MEI4: variants seen among roughly 807,000 people sequenced by gnomAD.
MEI4 encodes meiosis-specific protein MEI4.
MEI4 carries 27 observed loss-of-function variants against 31.4 expected under a neutral mutation model. That is an observed-to-expected ratio of 0.86 (90% CI 0.63 to 1.19). The LOEUF (loss-of-function observed/expected upper bound fraction) is 1.19. Among genes scored for constraint, MEI4 ranks in the 50% most tolerant of loss-of-function variants. The pLI, the probability that MEI4 is intolerant of heterozygous loss-of-function variation, is 0.00. For missense variants in MEI4, 329 were observed against 398.9 expected, an observed-to-expected ratio of 0.82 and a Z score of 1.49; for synonymous variants, 122 against 145.4, an observed-to-expected ratio of 0.84 and a Z score of 1.16.
At chr6:77,738,070 A>C (rs1374447020) in intron 2 of MEI4, among the ~76,000 whole-genome samples, 1 of 152,232 alleles carries the variant, frequency 6.6e-6, no homozygotes, top group East Asian at 1.9e-4. Flanking sequence ...GACATCCACG[A>C]AACTGGAATG....
intron 2 of MEI4, among the ~76,000 whole-genome samples, chr6:77,727,335 T>C (rs757075456): frequency 6.6e-6 from 1 of 152,214 alleles, no homozygotes; most frequent in Non-Finnish European, 1.5e-5. Context: ...TCATTTGTCC[T>C]CAGAAGTGAA....
chr6:77,922,331 T>G (rs191607071), intron 4 of MEI4, among the ~76,000 whole-genome samples: 1 of 151,848 alleles, frequency 6.6e-6, no homozygotes, highest in African/African-American at 2.4e-5. Context: ...TTCTAATTAG[T>G]CTACTTTTCA....
intron 4 of MEI4, among the ~76,000 whole-genome samples, chr6:77,917,162 G>A (rs1008040212): frequency 8.6e-5 from 13 of 151,972 alleles, no homozygotes; most frequent in Non-Finnish European, 1.8e-4. Flanking sequence ...TCTTAATCCA[G>A]TCTATCATTG....
intron 4 of MEI4, among the ~76,000 whole-genome samples, chr6:77,881,416 C>T (rs34004972): frequency 0.14 from 21,578 of 152,172 alleles, 1,811 homozygotes; most frequent in East Asian, 0.39. Flanking sequence ...TTTTATTATA[C>T]AGATGTATCG....
At chr6:77,774,693 A>G (rs1223522394) in intron 3 of MEI4, among the ~76,000 whole-genome samples, 12 of 152,026 alleles carry the variant, frequency 7.9e-5, no homozygotes. Flanking sequence ...TTATTTGAAT[A>G]TTTGAAAGGA....
chr6:77,663,250 A>G (rs1328630957), intron 1 of MEI4, among the ~76,000 whole-genome samples: 4 of 152,000 alleles, frequency 2.6e-5, no homozygotes, highest in Admixed American at 6.6e-5. Context: ...TGTAGCAGGC[A>G]AGTGATAACA....
At chr6:77,867,920 A>C (rs540451921) in intron 4 of MEI4, among the ~76,000 whole-genome samples, 1 of 152,290 alleles carries the variant, frequency 6.6e-6, no homozygotes, top group African/African-American at 2.4e-5. Context: ...CTTTTTAGGG[A>C]CATGGATAAA....
intron 3 of MEI4, among the ~76,000 whole-genome samples, chr6:77,790,482 A>G (rs1181466807): frequency 6.6e-6 from 1 of 152,002 alleles, no homozygotes; most frequent in Non-Finnish European, 1.5e-5. Context: ...GGTGATGGCC[A>G]CACTAGATGT....
intron 4 of MEI4, among the ~76,000 whole-genome samples, chr6:77,912,505 G>C (rs866492351): frequency 5.9e-5 from 9 of 151,988 alleles, no homozygotes; most frequent in African/African-American, 1.9e-4. Context: ...TCAGTAGTCT[G>C]TAGTTGTCCT....
intron 4 of MEI4, among the ~76,000 whole-genome samples, chr6:77,877,460 C>T (rs892911780): frequency 7.3e-6 from 1 of 137,644 alleles, no homozygotes; most frequent in African/African-American, 2.8e-5. Context: ...TAAGCCATTT[C>T]CCTCAAGCAT....
intron 3 of MEI4, among the ~76,000 whole-genome samples, chr6:77,775,014 G>C (rs1768402978): frequency 6.6e-6 from 1 of 152,052 alleles, no homozygotes; most frequent in African/African-American, 2.4e-5. Flanking sequence ...TTCATGACTT[G>C]TGGCTGAATC....
At chr6:77,699,163 A>G (rs1412316941) in intron 2 of MEI4, among the ~76,000 whole-genome samples, 1 of 141,922 alleles carries the variant, frequency 7.0e-6, no homozygotes, top group Non-Finnish European at 1.5e-5. Context: ...CTAGTTATCC[A>G]TTCGTCTAAT....
intron 3 of MEI4, among the ~76,000 whole-genome samples, chr6:77,794,014 A>T (rs1403143033): frequency 6.6e-6 from 1 of 152,178 alleles, no homozygotes; most frequent in Non-Finnish European, 1.5e-5. Flanking sequence ...GATTAAAAAA[A>T]CAAAAAATAA....
intron 3 of MEI4, among the ~76,000 whole-genome samples, chr6:77,790,263 G>A (rs574449537): frequency 8.7e-6 from 1 of 114,998 alleles, no homozygotes; most frequent in African/African-American, 3.2e-5. Flanking sequence ...GGGGTGGGGG[G>A]AGGGGGGAGG....
chr6:77,675,523 G>T (rs1768827274), intron 1 of MEI4, among the ~76,000 whole-genome samples: 1 of 146,908 alleles, frequency 6.8e-6, no homozygotes, highest in Admixed American at 6.9e-5. Flanking sequence ...GATGAAACAG[G>T]AAATATTGCT....
chr6:77,911,480 G>A (rs577587106), intron 4 of MEI4, among the ~76,000 whole-genome samples: 24 of 151,806 alleles, frequency 1.6e-4, no homozygotes, highest in Middle Eastern at 3.4e-3. Flanking sequence ...TGCTATAGTA[G>A]TCCCTGGTGT....
At chr6:77,846,314 A>G (rs1270211409) in intron 4 of MEI4, among the ~76,000 whole-genome samples, 1 of 151,580 alleles carries the variant, frequency 6.6e-6, no homozygotes, top group Non-Finnish European at 1.5e-5. Context: ...CACTCCTTAT[A>G]TATGTTTTTT....
intron 1 of MEI4, among the ~76,000 whole-genome samples, chr6:77,685,607 A>G (rs13214469): frequency 0.092 from 13,999 of 151,554 alleles, 932 homozygotes; most frequent in East Asian, 0.31. Flanking sequence ...GTCATATTCA[A>G]AGTATCTTTG....
chr6:77,819,140 T>C (rs892061218), intron 3 of MEI4, among the ~76,000 whole-genome samples: 3 of 152,246 alleles, frequency 2.0e-5, no homozygotes, highest in Non-Finnish European at 2.9e-5. Context: ...TAAAGTGATA[T>C]GTTAATTTTA....
Sources: allele counts gnomAD v4.1 joint callset (sites outside exome capture counted in the v4.1 genomes callset), GRCh38; gene constraint gnomAD v4.1.1; transcripts MANE v1.5; gene names NCBI Gene and HGNC (gene_info 2026-07-23, HGNC 2026-07-21).